Variants in ADAM32 observed in about 807,000 individuals in gnomAD.
The protein encoded by ADAM32 is ADAM metallopeptidase domain 32, also known as disintegrin and metalloproteinase domain-containing protein 32.
Under a neutral mutation model 114.9 loss-of-function variants are expected in ADAM32, and 89 were observed. The observed-to-expected ratio is 0.77, with a 90% CI of 0.65 to 0.92. The LOEUF is 0.92. ADAM32 is among the 40% of genes least tolerant of loss of function. The pLI is 0.00. For synonymous variants in ADAM32, 285 were observed against 307.5 expected (o/e 0.93, Z 0.77); for missense variants, 870 against 932.8 (o/e 0.93, Z 0.88).
chr8:39,156,060 A>G (rs1238245612), intron 6 of ADAM32, among the ~76,000 whole-genome samples: 2 of 152,236 alleles, frequency 1.3e-5, no homozygotes, highest in African/African-American at 4.8e-5. Context: ...TAGTAATACA[A>G]TAGCTTAATA....
chr8:39,128,053 A>C (rs1327292366), intron 2 of ADAM32, among the ~76,000 whole-genome samples: 1 of 152,082 alleles, frequency 6.6e-6, no homozygotes, highest in Non-Finnish European at 1.5e-5. Flanking sequence ...TCCAGAGCTG[A>C]GTTCAGGTCC....
chr8:39,255,859 G>T (rs753583751), intron 18 of ADAM32, among the ~76,000 whole-genome samples: 36 of 151,970 alleles, frequency 2.4e-4, no homozygotes, highest in Non-Finnish European at 4.0e-4. Context: ...ATGGTTTCAG[G>T]TCTTAAATTT....
chr8:39,161,434 C>A (rs1804502613), intron 7 of ADAM32, among the ~76,000 whole-genome samples: 1 of 152,158 alleles, frequency 6.6e-6, no homozygotes, highest in African/African-American at 2.4e-5. Flanking sequence ...GGCACCCATT[C>A]TAGTCCATTG....
intron 19 of ADAM32, among the ~76,000 whole-genome samples, chr8:39,266,144 G>C (rs1363744707): frequency 1.3e-5 from 2 of 152,012 alleles, no homozygotes; most frequent in East Asian, 3.9e-4. Flanking sequence ...TGTGTCTTGG[G>C]GATGGTCATC....
intron 11 of ADAM32, among the ~76,000 whole-genome samples, chr8:39,194,192 C>T (rs1411798313): frequency 6.6e-6 from 1 of 152,150 alleles, no homozygotes; most frequent in Non-Finnish European, 1.5e-5. Flanking sequence ...GGGTGCAGGA[C>T]AGTGTGTGCC....
At chr8:39,216,380 G>A (rs1409155407) in intron 12 of ADAM32, among the ~76,000 whole-genome samples, 1 of 151,936 alleles carries the variant, frequency 6.6e-6, no homozygotes, top group East Asian at 1.9e-4. Context: ...TTTGATTGGA[G>A]CATTTAGTTG....
At chr8:39,207,395 C>CT (rs1807915060) in intron 11 of ADAM32, among the ~76,000 whole-genome samples, 1 of 151,974 alleles carries the variant, frequency 6.6e-6, no homozygotes, top group Non-Finnish European at 1.5e-5. Flanking sequence ...CAACTCATGT[C>CT]TTTTTTTATT....
intron 10 of ADAM32, among the ~76,000 whole-genome samples, chr8:39,182,714 T>A (rs1444293361): frequency 6.6e-6 from 1 of 152,246 alleles, no homozygotes; most frequent in African/African-American, 2.4e-5. Flanking sequence ...TTCATAAATA[T>A]CCTTTCTTCT....
At chr8:39,128,148 G>A (rs575423597) in intron 2 of ADAM32, among the ~76,000 whole-genome samples, 3 of 152,122 alleles carry the variant, frequency 2.0e-5, no homozygotes, top group Non-Finnish European at 4.4e-5. Context: ...TATTTTGTGG[G>A]AGTCTAAGGC....
chr8:39,198,648 G>A (rs181268385), intron 11 of ADAM32, among the ~76,000 whole-genome samples: 1 of 152,324 alleles, frequency 6.6e-6, no homozygotes, highest in Non-Finnish European at 1.5e-5. Flanking sequence ...AAAGTGCTGG[G>A]ATTACAGGCG....
At chr8:39,191,271 T>G (rs10102795) in intron 11 of ADAM32, among the ~76,000 whole-genome samples, 1 of 152,224 alleles carries the variant, frequency 6.6e-6, no homozygotes, top group African/African-American at 2.4e-5. Context: ...ATATATCCAG[T>G]AGTCACATTG....
intron 2 of ADAM32, among the ~76,000 whole-genome samples, chr8:39,122,275 C>T (rs187883621): frequency 1.4e-3 from 213 of 152,202 alleles, no homozygotes; most frequent in Non-Finnish European, 2.3e-3. Context: ...TTGTGTCCCC[C>T]GCCAAATCCA....
intron 10 of ADAM32, among the ~76,000 whole-genome samples, chr8:39,180,568 A>G (rs1805806225): frequency 6.6e-6 from 1 of 152,230 alleles, no homozygotes; most frequent in South Asian, 2.1e-4. Flanking sequence ...TGCGGGATCC[A>G]CTGGATGAAG....
chr8:39,107,891 C>T, intron 1 of ADAM32, 58 bp downstream of exon 1: 1 of 1,468,282 alleles, frequency 6.8e-7, no homozygotes, highest in Non-Finnish European at 9.0e-7. Context: ...CGGCCCGACT[C>T]CCTGCAAAGC....
rs1265412073 is a variant in ADAM32 at position 39,246,165 on chromosome 8, GAGTA to G, written c.1902+5_1902+8del. 1 of 1,610,456 alleles carries G rather than the reference GAGTA, an allele frequency of 6.2e-7. No individual in the cohort carries two copies. The highest frequency in any genetic ancestry group is 1.7e-5 in the Admixed American group (1 of 59,742). ...TGTTCACAACAGTGTTCTGGACATGGAGTAAGTAACCACATGTTTCCCTGAATCA... is the reference window on the plus strand; with the variant it reads ...TGTTCACAACAGTGTTCTGGACATGGAGTAACCACATGTTTCCCTGAATCA... On this transcript the variant is annotated splice_donor_variant and splice_donor_region_variant and coding_sequence_variant and intron_variant, in exon 17 of 25. Transcript: ENST00000379907. LOFTEE classifies it high-confidence loss of function.
intron 10 of ADAM32, among the ~76,000 whole-genome samples, chr8:39,180,103 G>A (rs897054685): frequency 6.6e-6 from 1 of 152,196 alleles, no homozygotes; most frequent in East Asian, 1.9e-4. Context: ...CAGCTTGCAG[G>A]GAGGTGTGGA....
intron 2 of ADAM32, among the ~76,000 whole-genome samples, chr8:39,118,987 A>G (rs1840489600): frequency 6.6e-6 from 1 of 152,334 alleles, no homozygotes; most frequent in South Asian, 2.1e-4. Context: ...GGCATTTTAT[A>G]TAAATGGCAG....
intron 24 of ADAM32, 120 bp from the exon 25 acceptor site, chr8:39,284,673 A>T: frequency 9.3e-7 from 1 of 1,076,504 alleles, no homozygotes; most frequent in Non-Finnish European, 1.4e-6. Flanking sequence ...ACATCCTTTC[A>T]ATAATTCTTT....
intron 19 of ADAM32, among the ~76,000 whole-genome samples, chr8:39,263,165 G>T (rs1452750472): frequency 1.3e-5 from 2 of 152,128 alleles, no homozygotes; most frequent in Non-Finnish European, 2.9e-5. Context: ...CTGTTTGATG[G>T]TTATTACTGA....
Sources: allele counts gnomAD v4.1 joint callset (sites outside exome capture counted in the v4.1 genomes callset), GRCh38; gene constraint gnomAD v4.1.1; transcripts MANE v1.5; gene names NCBI Gene and HGNC (gene_info 2026-07-23, HGNC 2026-07-21).